Variants in SUSD6 observed in about 807,000 individuals in gnomAD.
SUSD6 encodes the protein sushi domain-containing protein 6.
Under a neutral mutation model 28.4 loss-of-function variants are expected in SUSD6, and 16 were observed. That is an observed-to-expected ratio of 0.56 (90% confidence interval 0.38 to 0.86). The LOEUF (loss-of-function observed/expected upper bound fraction) is 0.86, where lower values mean the gene tolerates loss of function less well. Ranked by LOEUF, SUSD6 falls within the 40% of genes least tolerant of loss-of-function variation. SUSD6 has a pLI of 0.00. For missense variants in SUSD6, 341 were observed against 384.2 expected (o/e 0.89, Z 0.94); for synonymous variants, 147 against 159.6 (o/e 0.92, Z 0.59).
chr14:69,642,627 C>T (rs1464624386), intron 1 of SUSD6, among the ~76,000 whole-genome samples: 3 of 151,440 alleles, frequency 2.0e-5, no homozygotes. Flanking sequence ...AGACCAGCAC[C>T]CGTGATTCAA....
chr14:69,681,722 A>T (rs938188068), intron 2 of SUSD6, among the ~76,000 whole-genome samples: 2 of 152,198 alleles, frequency 1.3e-5, no homozygotes, highest in African/African-American at 4.8e-5. Flanking sequence ...TGGGGGAAAA[A>T]TTATTTCCTT....
At chr14:69,699,135 C>CTG (rs1364230097) in intron 2 of SUSD6, among the ~76,000 whole-genome samples, 4 of 152,212 alleles carry the variant, frequency 2.6e-5, no homozygotes, top group Non-Finnish European at 5.9e-5. Flanking sequence ...TCCTCTTCAA[C>CTG]ACCTGCTGTT....
chr14:69,693,904 A>G (rs139874637), intron 2 of SUSD6, among the ~76,000 whole-genome samples: 98 of 152,370 alleles, frequency 6.4e-4, no homozygotes, highest in Middle Eastern at 3.4e-3. Context: ...TGGAGAATAC[A>G]AATTGTACCC....
chr14:69,695,185 G>T (rs1886207326), intron 2 of SUSD6, among the ~76,000 whole-genome samples: 1 of 152,212 alleles, frequency 6.6e-6, no homozygotes, highest in South Asian at 2.1e-4. Context: ...GCCTGTTTTA[G>T]ACTTGACTAT....
At position 69,686,310 on chromosome 14, in the gene SUSD6, C is replaced by A. The variant is rs544631424; in HGVS notation, c.122-17085C>A. Among the ~76,000 whole-genome samples, 3 of 152,250 alleles carry A rather than the reference C, an allele frequency of 2.0e-5. No individual in the cohort carries two copies. In the East Asian group the frequency reaches 5.8e-4, roughly 29 times the overall value. Reference sequence around the variant, plus strand: ...AGGCTATAATTAGATATTTTATGATCTTTTTTGGCTTTCTGAGTTGACTTT... The same window carrying A: ...AGGCTATAATTAGATATTTTATGATATTTTTTGGCTTTCTGAGTTGACTTT... On this transcript the variant is annotated intron_variant, in intron 2 of 5. Coordinates refer to ENST00000342745, the MANE Select transcript of SUSD6 (RefSeq NM_014734.4).
chr14:69,650,249 G>A (rs948216120), intron 1 of SUSD6, among the ~76,000 whole-genome samples: 1 of 152,136 alleles, frequency 6.6e-6, no homozygotes, highest in Admixed American at 6.5e-5. Flanking sequence ...TGTTAGAACA[G>A]GAAGGGGCTT....
At chr14:69,706,499 G>T (rs1886388925) in intron 4 of SUSD6, among the ~76,000 whole-genome samples, 1 of 151,920 alleles carries the variant, frequency 6.6e-6, no homozygotes, top group African/African-American at 2.4e-5. Context: ...CACTCATGTT[G>T]CCCAGGCTGG....
In SUSD6 at chr14:69,711,007, G is replaced by A. The variant is rs773111497; in HGVS notation, c.*28G>A. On this transcript the variant is annotated 3_prime_UTR_variant, in exon 6 of 6. Transcript: ENST00000342745. The stretch of plus-strand genomic sequence containing the variant: ...GCAGCGGCCAGCCTTTCCTCTCTGC[G>A]AGGTTCTCTCAGCCCTTCCTCCCTC... 9 of 1,612,474 alleles carry A rather than the reference G, an allele frequency of 5.6e-6. No individual in the cohort carries two copies. Among genetic ancestry groups the A allele is most frequent in the Admixed American group, 1.7e-5 (1 of 59,986 alleles).
chr14:69,658,723 G>T lies in SUSD6; in HGVS notation c.121+10G>T, dbSNP rs763638918. On this transcript the variant is annotated intron_variant, in intron 2 of 5. Coordinates refer to ENST00000342745, the MANE Select transcript of SUSD6 (RefSeq NM_014734.4). ...GACGGACTTGCTTCCGGTAAGTCCT[G>T]ACCTGCCTTCTGTGTGTGGGTGGGA... is the stretch of plus-strand genomic sequence containing the variant. 1 of 1,613,764 alleles carries T rather than the reference G, an allele frequency of 6.2e-7. No homozygotes were observed. Among genetic ancestry groups the T allele is most frequent in the Non-Finnish European group, 8.5e-7 (1 of 1,179,884 alleles).
intron 1 of SUSD6, among the ~76,000 whole-genome samples, chr14:69,620,660 C>T (rs946149484): frequency 9.9e-5 from 15 of 152,166 alleles, no homozygotes; most frequent in African/African-American, 3.4e-4. Flanking sequence ...TGAAAAGTAT[C>T]GTTAGAGAGT....
At chr14:69,706,882 A>T (rs965532804) in intron 4 of SUSD6, among the ~76,000 whole-genome samples, 1 of 152,186 alleles carries the variant, frequency 6.6e-6, no homozygotes, top group Admixed American at 6.5e-5. Context: ...CAGACCATCT[A>T]TATTTCTTGA....
intron 1 of SUSD6, among the ~76,000 whole-genome samples, chr14:69,638,975 T>C (rs926745622): frequency 6.6e-6 from 1 of 152,162 alleles, no homozygotes; most frequent in Non-Finnish European, 1.5e-5. Context: ...AGAGGGTGTG[T>C]GTGCTTACTC....
chr14:69,627,312 C>G (rs1390873644), intron 1 of SUSD6, among the ~76,000 whole-genome samples: 1 of 152,150 alleles, frequency 6.6e-6, no homozygotes. Context: ...CAGGGCTAAT[C>G]ATGAATTTGC....
chr14:69,662,529 C>T (rs374460860), intron 2 of SUSD6, among the ~76,000 whole-genome samples: 2 of 152,178 alleles, frequency 1.3e-5, no homozygotes, highest in Non-Finnish European at 2.9e-5. Flanking sequence ...TTCCTTTGGT[C>T]ATTCCTTTAA....
chr14:69,690,049 T>C (rs1331092981), intron 2 of SUSD6, among the ~76,000 whole-genome samples: 3 of 152,236 alleles, frequency 2.0e-5, no homozygotes, highest in Non-Finnish European at 2.9e-5. Context: ...TTTCTGTACA[T>C]CAATGTGGCA....
At chr14:69,629,489 G>A (rs1019600417) in intron 1 of SUSD6, among the ~76,000 whole-genome samples, 1 of 152,188 alleles carries the variant, frequency 6.6e-6, no homozygotes, top group Non-Finnish European at 1.5e-5. Flanking sequence ...CCAATGGGAG[G>A]GTCTGGATAA....
At chr14:69,626,640 T>C (rs1885117721) in intron 1 of SUSD6, among the ~76,000 whole-genome samples, 1 of 152,182 alleles carries the variant, frequency 6.6e-6, no homozygotes, top group Non-Finnish European at 1.5e-5. Flanking sequence ...GGTGCCTACC[T>C]ATGAAGCACC....
At chr14:69,710,851 AT>A (rs1164150347) in intron 5 of SUSD6, 102 bp from the exon 6 acceptor site, 2 of 1,066,930 alleles carry the variant, frequency 1.9e-6, no homozygotes, top group Non-Finnish European at 2.9e-6. Context: ...CTTTCTTTAA[AT>A]TAGGGGCTAT....
At chr14:69,624,531 C>A (rs1885087047) in intron 1 of SUSD6, among the ~76,000 whole-genome samples, 1 of 151,864 alleles carries the variant, frequency 6.6e-6, no homozygotes, top group Non-Finnish European at 1.5e-5. Flanking sequence ...CGGCTCACCG[C>A]AACCTCTGCC....
Sources: allele counts gnomAD v4.1 joint callset (sites outside exome capture counted in the v4.1 genomes callset), GRCh38; gene constraint gnomAD v4.1.1; transcripts MANE v1.5; gene names NCBI Gene and HGNC (gene_info 2026-07-23, HGNC 2026-07-21).